Variants in C4orf50 observed in about 807,000 individuals in gnomAD.
C4orf50 encodes the protein chromosome 4 open reading frame 50.
A neutral mutation model predicts 77.2 loss-of-function variants in C4orf50; 80 were observed. The observed-to-expected ratio is 1.04, with a 90% CI of 0.87 to 1.25. C4orf50 has a LOEUF of 1.25. Among genes scored for constraint, C4orf50 ranks in the 50% most tolerant of loss-of-function variants. The pLI is 0.00. For synonymous variants in C4orf50, 532 were observed against 465.3 expected (o/e 1.14, Z -1.84); for missense variants, 1,257 against 1,152.9 (o/e 1.09, Z -1.31).
chr4:5,965,084 C>A lies in C4orf50; in HGVS notation c.4215G>T (p.Glu1405Asp), dbSNP rs752912672. ...ACTCCGGCTCGGGAATAGGCCAGGA[C>A]TCTGAAGACAATGAGCTTTGGAGGA... The change falls in exon 33 of 34, where the codon GAG (glutamate) becomes GAT (aspartate). Residue 1405 changes from glutamate (E) to aspartate (D), a missense_variant. Glu to Asp is a conservative substitution (Grantham distance 45). Transcript: ENST00000531445. 3 of 1,613,714 alleles carry A rather than the reference C, an allele frequency of 1.9e-6. No individual in the cohort carries two copies. The African/African-American group carries it at 4.0e-5, about 22-fold the overall frequency.
At chr4:5,962,834 C>T (rs1399096532) in intron 33 of C4orf50, among the ~76,000 whole-genome samples, 1 of 152,174 alleles carries the variant, frequency 6.6e-6, no homozygotes, top group Non-Finnish European at 1.5e-5. Flanking sequence ...GCTGCTGTTG[C>T]TATCACTGTC....
intron 7 of C4orf50, among the ~76,000 whole-genome samples, chr4:5,931,268 C>T (rs946491850): frequency 8.5e-5 from 13 of 152,266 alleles, no homozygotes; most frequent in South Asian, 4.1e-4. Context: ...GGAAAGAGAA[C>T]CAAGAGGCGG....
chr4:5,914,205 G>GT (rs1207974269), intron 7 of C4orf50, among the ~76,000 whole-genome samples: 34,208 of 76,874 alleles, frequency 0.44, 4,890 homozygotes, highest in Admixed American at 0.47. Flanking sequence ...TTTTATGGGT[G>GT]TTTTTTTTTT....
chr4:5,962,594 G>T (rs1312799012), intron 33 of C4orf50, among the ~76,000 whole-genome samples: 1 of 152,152 alleles, frequency 6.6e-6, no homozygotes, highest in African/African-American at 2.4e-5. Context: ...CCCCATCCAG[G>T]CCACGCACCA....
In C4orf50 at chr4:5,992,615, C is replaced by A. The variant is rs1425556585; in HGVS notation, c.1221+188G>T. ...GTTAACCCCCTTCCTCCCCACCCCC[C>A]ATCCAGGTCTCAGGATGTTTCATTT... On this transcript the variant is annotated intron_variant, in intron 27 of 33. Coordinates refer to ENST00000531445, the Ensembl canonical transcript of C4orf50. This position sits in a 1 kb window ranked among gnomAD's most constrained non-coding sequence, Gnocchi z 5.0. Among the ~76,000 whole-genome samples the A allele has an allele frequency of 6.6e-6, 1 of 152,082 alleles. No homozygotes were observed. The highest frequency in any genetic ancestry group is 1.5e-5 in the Non-Finnish European group (1 of 67,990).
intron 31 of C4orf50, 142 bp from the exon 10 acceptor site, chr4:5,967,604 TGCATG>T: frequency 1.4e-6 from 1 of 701,154 alleles, no homozygotes; most frequent in Non-Finnish European, 2.6e-6. Context: ...CCTGCCTGTG[TGCATG>T]AAGACCTCCC....
intron 7 of C4orf50, among the ~76,000 whole-genome samples, chr4:5,909,172 G>A (rs115201132): frequency 6.6e-6 from 1 of 152,130 alleles, no homozygotes; most frequent in East Asian, 1.9e-4. Context: ...ATCTAGCCCT[G>A]CCTATGTCTT....
chr4:6,001,038 T>C lies in C4orf50; in HGVS notation c.964-6562A>G, dbSNP rs566335859. 2.0e-5 allele frequency among the ~76,000 whole-genome samples: 3 copies of C among 152,266 alleles called. No homozygotes were observed. The East Asian group carries it at 5.8e-4, about 29-fold the overall frequency. The stretch of plus-strand genomic sequence containing the variant: ...AACACAAAAGCCATGATAAAATGGA[T>C]ACACACACACAGCCAAAGCAAGCCT... On this transcript the variant is annotated intron_variant, in intron 25 of 33. Transcript: ENST00000531445.
chr4:5,913,413 G>A (rs1716895288), intron 7 of C4orf50, among the ~76,000 whole-genome samples: 1 of 152,132 alleles, frequency 6.6e-6, no homozygotes, highest in Non-Finnish European at 1.5e-5. Context: ...AGGGTAGTGA[G>A]GGTCAGAGAA....
rs560348041 is a variant in C4orf50, at chr4:5,905,812, G to A, written c.*2475-7624C>T. 5.9e-4 allele frequency among the ~76,000 whole-genome samples: 89 copies of A among 151,692 alleles called. No individual in the cohort carries two copies. The highest frequency in any genetic ancestry group is 2.0e-3 in the African/African-American group (84 of 41,234). On this transcript the variant is annotated intron_variant, in intron 7 of 7. Coordinates refer to the C4orf50 transcript ENST00000324058. This position sits in a 1 kb window ranked among gnomAD's most constrained non-coding sequence, Gnocchi z 5.4. The stretch of plus-strand genomic sequence containing the variant: ...CAAAAGAAGGTTGAGAACAACTGAA[G>A]AAGAAAGACAAACTGGGGTGCTCTG...
intron 7 of C4orf50, among the ~76,000 whole-genome samples, chr4:5,945,934 T>A (rs1441739972): frequency 6.6e-6 from 1 of 152,144 alleles, no homozygotes; most frequent in Non-Finnish European, 1.5e-5. Flanking sequence ...CCTCGGCCTC[T>A]GACTTCCAGC....
At chr4:5,957,676 A>G (rs1446748765) in exon 34 of C4orf50, 1 of 152,222 alleles carries the variant, frequency 6.6e-6, no homozygotes, top group Non-Finnish European at 1.5e-5. Flanking sequence ...CACTAAATGC[A>G]TATTGAATAA....
At chr4:5,976,094 G>A (rs1277581379) in intron 29 of C4orf50, 139 bp from the exon 8 acceptor site, 2 of 669,978 alleles carry the variant, frequency 3.0e-6, no homozygotes, top group African/African-American at 1.8e-5. Context: ...CCAGGAACAG[G>A]GGCCTTTCCC....
At position 5,973,850 on chromosome 4, in the gene C4orf50, G is replaced by C. The variant is rs781280145; in HGVS notation, c.3922-9C>G. On this transcript the variant is annotated splice_polypyrimidine_tract_variant and intron_variant, in intron 30 of 33. Transcript: ENST00000531445. ...AGGGAAGCTATCTTGGCCTGAAAGGGAGGGAGGCCATGGATGCAGAGCTCC... is the reference window on the plus strand; with the variant it reads ...AGGGAAGCTATCTTGGCCTGAAAGGCAGGGAGGCCATGGATGCAGAGCTCC... The C allele has an allele frequency of 2.5e-6, 4 of 1,602,298 alleles. No homozygotes were observed. The highest frequency in any genetic ancestry group is 3.4e-5 in the Admixed American group (2 of 59,542).
chr4:5,987,918 A>G (rs1007128465), intron 28 of C4orf50, among the ~76,000 whole-genome samples: 4 of 152,206 alleles, frequency 2.6e-5, no homozygotes, highest in African/African-American at 9.6e-5. Flanking sequence ...ACCTGGTTTT[A>G]TCATGCTCTA....
At chr4:5,945,516 G>C (rs781651337) in intron 7 of C4orf50, among the ~76,000 whole-genome samples, 1 of 152,154 alleles carries the variant, frequency 6.6e-6, no homozygotes, top group Non-Finnish European at 1.5e-5. Flanking sequence ...GCAGATCGGA[G>C]ACCCACATGG....
rs889331204 is a variant in C4orf50 at position 5,989,641 on chromosome 4, G to T, written c.2405C>A (p.Thr802Lys). The change falls in exon 28 of 34, where the codon ACA (threonine) becomes AAA (lysine). Residue 802 changes from threonine to lysine, a missense_variant. By Grantham distance (78) the Thr-to-Lys change is moderately conservative. Coordinates refer to ENST00000531445, the Ensembl canonical transcript of C4orf50. ...CACGTCCTGTGCAAGCTCATCGATT[G>T]TGAGTGCACACCTGTTGTGTCCTTT... 1.8e-5 allele frequency: 27 copies of T among 1,536,010 alleles called. No individual in the cohort carries two copies. In the African/African-American group the frequency reaches 3.4e-4, roughly 19 times the overall value.
chr4:5,916,714 A>G lies in C4orf50; in HGVS notation c.*2475-18526T>C, dbSNP rs1298475174. Among the ~76,000 whole-genome samples the G allele has an allele frequency of 1.3e-5, 2 of 152,140 alleles. No homozygotes were observed. The highest frequency in any genetic ancestry group is 4.8e-5 in the African/African-American group (2 of 41,442). Reference sequence around the variant, plus strand: ...GGAGGGCAGAGAAGACAATATCCAGATGGGTACTGAGGTCACTCCTGCAGG... The same window carrying G: ...GGAGGGCAGAGAAGACAATATCCAGGTGGGTACTGAGGTCACTCCTGCAGG... On this transcript the variant is annotated intron_variant, in intron 7 of 7. Coordinates refer to the C4orf50 transcript ENST00000324058. The surrounding 1 kb of genome is among the most constrained non-coding windows in gnomAD (Gnocchi z 4.4).
chr4:5,987,239 C>T (rs370757904), intron 28 of C4orf50, among the ~76,000 whole-genome samples: 45 of 151,456 alleles, frequency 3.0e-4, no homozygotes, highest in African/African-American at 9.7e-5. Flanking sequence ...GGGGAAACCC[C>T]GTCTCTACTA....
Sources: allele counts gnomAD v4.1 joint callset (sites outside exome capture counted in the v4.1 genomes callset), GRCh38; gene constraint gnomAD v4.1.1; non-coding constraint Gnocchi (gnomAD v3.1); transcripts MANE v1.5; gene names NCBI Gene and HGNC (gene_info 2026-07-23, HGNC 2026-07-21).